The following C6orf132 variants were observed in gnomAD, a reference collection of about 807,000 sequenced individuals.
C6orf132 encodes uncharacterized protein C6orf132.
C6orf132 carries 43 observed loss-of-function variants against 65.3 expected under a neutral mutation model. That is an observed-to-expected ratio of 0.66 (90% CI 0.52 to 0.85). The LOEUF is 0.85. Ranked by LOEUF, C6orf132 falls within the 40% of genes least tolerant of loss-of-function variation. The probability of loss-of-function intolerance (pLI) is 0.00; values close to 1 mark genes in which losing one functional copy is unlikely to be tolerated. For synonymous variants in C6orf132, 631 were observed against 654.1 expected (o/e 0.96, Z 0.54); for missense variants, 1,488 against 1,548.8 (o/e 0.96, Z 0.66).
At chr6:42,130,655 G>A (rs1447295703) in intron 1 of C6orf132, among the ~76,000 whole-genome samples, 1 of 152,060 alleles carries the variant, frequency 6.6e-6, no homozygotes, top group Non-Finnish European at 1.5e-5. Context: ...TCATATTAAT[G>A]GCTACTCTTA....
chr6:42,139,562 A>T (rs1767002078), intron 1 of C6orf132, among the ~76,000 whole-genome samples: 1 of 152,264 alleles, frequency 6.6e-6, no homozygotes, highest in Non-Finnish European at 1.5e-5. Context: ...TCCTCAAAGC[A>T]GGCCATGGGC....
At position 42,106,890 on chromosome 6, in the gene C6orf132, G is replaced by A. The variant is rs1766419115; in HGVS notation, c.1022C>T (p.Pro341Leu). Residue 341 changes from proline to leucine, a missense_variant, in exon 4 of 5, where the codon CCT becomes CTT. Pro to Leu is a moderately conservative substitution (Grantham distance 98). Transcript: ENST00000341865. ...TKKAPSRLPL[P>L]PSFHIRPASQ... is the part of the protein sequence containing the mutation. The stretch of plus-strand genomic sequence containing the variant: ...GGCGGGGCGGATGTGGAAGCTGGGA[G>A]GCAGTGGGAGTCGGCTGGGAGCCTT... 1.3e-6 allele frequency: 2 copies of A among 1,535,722 alleles called. No individual in the cohort carries two copies. Among genetic ancestry groups the A allele is most frequent in the South Asian group, 2.4e-5 (2 of 84,014 alleles).
At position 42,105,575 on chromosome 6, in the gene C6orf132, G is replaced by A. The variant is rs1194060558; in HGVS notation, c.2337C>T (p.Ser779=). Residue 779 remains serine, a synonymous_variant, in exon 4 of 5, where the codon AGC becomes AGT. Coordinates refer to ENST00000341865, the MANE Select transcript of C6orf132 (RefSeq NM_001164446.3). ...TGGGCATCACCACAGCAACCTCACGGCTGAGGCTGCTCTGGTGGCAGTGGG... is the reference window on the plus strand; with the variant it reads ...TGGGCATCACCACAGCAACCTCACGACTGAGGCTGCTCTGGTGGCAGTGGG... ...YKPHCHQSSL[S]REVAVVMPTL... is the part of the protein sequence containing the mutation. The A allele has an allele frequency of 6.5e-7, 1 of 1,536,748 alleles. No homozygotes were observed. Among genetic ancestry groups the A allele is most frequent in the Non-Finnish European group, 8.7e-7 (1 of 1,146,866 alleles).
chr6:42,105,278 G>C lies in C6orf132; in HGVS notation c.2634C>G (p.Ser878Arg). ...CCTGGCTGTGGAAGATGCTGTCAGA[G>C]CTGGCCTCGGCTTGGTGGCTGTGGT... ...LRDHSHQAEA[S>R]SDSIFHSQGT... Residue 878 changes from serine (S) to arginine (R), a missense_variant, in exon 4 of 5, where the codon AGC becomes AGG. Transcript: ENST00000341865. 3.3e-6 allele frequency: 5 copies of C among 1,537,212 alleles called. No individual in the cohort carries two copies. Among genetic ancestry groups the C allele is most frequent in the Non-Finnish European group, 4.4e-6 (5 of 1,146,896 alleles).
Position 42,104,500 on chromosome 6 carries a change from C to T in C6orf132, c.3412G>A (p.Gly1138Ser), listed in dbSNP as rs1419727669. 2.4e-6 allele frequency: 3 copies of T among 1,232,652 alleles called. No individual in the cohort carries two copies. Among genetic ancestry groups the T allele is most frequent in the Middle Eastern group, 3.1e-4 (1 of 3,212 alleles). 76.4% of individuals were successfully genotyped at this position (1,232,652 alleles called of 1,614,324 possible). A position where few individuals can be genotyped will look rare whatever the true frequency, so the allele number is the denominator to read the frequency against. Residue 1138 changes from glycine (G) to serine (S), a missense_variant, in exon 4 of 5, where the codon GGC becomes AGC. Transcript: ENST00000341865. This position sits in a 1 kb window ranked among gnomAD's most constrained non-coding sequence, Gnocchi z 4.1. ...GAAEAKHKAP[G>S]SADYGFAPAA... ...GGGGCGAAGCCGTAGTCGGCGCTGC[C>T]GGGCGCTTTGTGCTTGGCCTCCGCG...
intron 1 of C6orf132, among the ~76,000 whole-genome samples, chr6:42,142,071 C>T (rs1041376964): frequency 1.3e-5 from 2 of 152,064 alleles, no homozygotes; most frequent in Non-Finnish European, 2.9e-5. Flanking sequence ...GTTCTCCCAC[C>T]TCCCCGTGGT....
chr6:42,107,429 C>A lies in C6orf132; in HGVS notation c.483G>T (p.Ser161=), dbSNP rs555498500. The A allele has an allele frequency of 5.3e-6, 8 of 1,508,952 alleles. No homozygotes were observed. The highest frequency in any genetic ancestry group is 3.7e-5 in the South Asian group (3 of 80,212). The allele number at this position is 1,508,952 out of a possible 1,614,324, so 93.5% of individuals were successfully genotyped here. A position where few individuals can be genotyped will look rare whatever the true frequency, so the allele number is the denominator to read the frequency against. Reference sequence around the variant, plus strand: ...CTGTGGAAGGTGGAGATGGCAGTGGCGACCCCCCTGGAGGTTCTGAAATGT... The same window carrying A: ...CTGTGGAAGGTGGAGATGGCAGTGGAGACCCCCCTGGAGGTTCTGAAATGT... ...PQDISEPPGG[S]PLPSPPSTAP... The change falls in exon 4 of 5, where the codon TCG becomes TCT. Residue 161 remains serine, a synonymous_variant. Transcript: ENST00000341865.
chr6:42,105,694 C>T lies in C6orf132; in HGVS notation c.2218G>A (p.Ala740Thr), dbSNP rs1289746369. The change falls in exon 4 of 5, where the codon GCC becomes ACC. Residue 740 changes from alanine to threonine, a missense_variant. By Grantham distance (58) the Ala-to-Thr change is moderately conservative. Transcript: ENST00000341865. ...GCTCCCTGTGTGGGCAGCCTAGTGG[C>T]CTCTGAGGGGGACCCCTCTCCCCTT... ...QARGEGSPSEATRLPTQGARS... is the reference protein window; with the variant it reads ...QARGEGSPSETTRLPTQGARS... 1 of 1,537,164 alleles carries T rather than the reference C, an allele frequency of 6.5e-7. No individual in the cohort carries two copies. Among genetic ancestry groups the T allele is most frequent in the Non-Finnish European group, 8.7e-7 (1 of 1,146,914 alleles).
rs536844087 is a variant in C6orf132 at position 42,104,536 on chromosome 6, C to T, written c.3376G>A (p.Ala1126Thr). 6.9e-4 allele frequency: 858 copies of T among 1,234,596 alleles called. 1 individual carries two copies. Among genetic ancestry groups the T allele is most frequent in the Admixed American group, 3.1e-3 (72 of 23,592 alleles). The allele number at this position is 1,234,596 out of a possible 1,614,324, so 76.5% of individuals were successfully genotyped here. A position where few individuals can be genotyped will look rare whatever the true frequency, so the allele number is the denominator to read the frequency against. The change falls in exon 4 of 5, where the codon GCC becomes ACC. Residue 1126 changes from alanine (A) to threonine (T), a missense_variant. By Grantham distance (58) the Ala-to-Thr change is moderately conservative (BLOSUM62 0). Coordinates refer to ENST00000341865, the MANE Select transcript of C6orf132 (RefSeq NM_001164446.3). The surrounding 1 kb of genome is among the most constrained non-coding windows in gnomAD (Gnocchi z 4.1). ...TGCTTGGCCTCCGCGGCGCCCCGGG[C>T]GGCGCCCTCCAGGGACAGCCTCGGC... Reference protein sequence around the residue: ...HAPRLSLEGAARGAAEAKHKA... With the variant: ...HAPRLSLEGATRGAAEAKHKA...
At chr6:42,123,046 A>T (rs1229767948) in intron 2 of C6orf132, among the ~76,000 whole-genome samples, 3 of 152,158 alleles carry the variant, frequency 2.0e-5, no homozygotes, top group African/African-American at 7.2e-5. Context: ...CAGAAAACAC[A>T]ACCTTGCTGC....
intron 3 of C6orf132, among the ~76,000 whole-genome samples, chr6:42,107,933 G>A (rs779296701): frequency 2.0e-5 from 3 of 152,146 alleles, no homozygotes; most frequent in Non-Finnish European, 2.9e-5. Context: ...TGATTCCTCT[G>A]GCTGCCTCCT....
chr6:42,107,766 C>G (rs1582269978), intron 3 of C6orf132, among the ~76,000 whole-genome samples, 183 bp from the exon 4 acceptor site: 1 of 152,242 alleles, frequency 6.6e-6, no homozygotes, highest in Middle Eastern at 3.4e-3. Flanking sequence ...GGGGTGTCCC[C>G]CCTTCTTTCT....
At chr6:42,136,453 G>C (rs540843666) in intron 1 of C6orf132, among the ~76,000 whole-genome samples, 1 of 152,172 alleles carries the variant, frequency 6.6e-6, no homozygotes, top group Admixed American at 6.6e-5. Flanking sequence ...AGGAGGATTC[G>C]GGCCTTAGCT....
At chr6:42,122,377 C>A (rs1025453531) in intron 2 of C6orf132, among the ~76,000 whole-genome samples, 1 of 152,208 alleles carries the variant, frequency 6.6e-6, no homozygotes, top group Non-Finnish European at 1.5e-5. Context: ...TCTTCTCTGG[C>A]CAGTCTTCCT....
chr6:42,110,359 T>A, intron 2 of C6orf132, 68 bp from the exon 3 acceptor site: 1 of 1,282,356 alleles, frequency 7.8e-7, no homozygotes, highest in Non-Finnish European at 1.1e-6. Context: ...ACTGCTGCTC[T>A]TTGAGGCCAT....
At chr6:42,132,416 G>A (rs1265568734) in intron 1 of C6orf132, among the ~76,000 whole-genome samples, 1 of 152,082 alleles carries the variant, frequency 6.6e-6, no homozygotes, top group East Asian at 1.9e-4. Flanking sequence ...TCAGGAGGCT[G>A]AGGCAGGAGA....
chr6:42,134,731 GCCATTGCA>G (rs1341026215), intron 1 of C6orf132, among the ~76,000 whole-genome samples: 2 of 140,710 alleles, frequency 1.4e-5, no homozygotes, highest in African/African-American at 5.4e-5. Context: ...CCGAGATTGA[GCCATTGCA>G]CTCCAGCCTG....
intron 1 of C6orf132, 132 bp downstream of exon 1, chr6:42,142,168 G>C: frequency 2.9e-6 from 3 of 1,019,012 alleles, no homozygotes; most frequent in Non-Finnish European, 1.4e-6. Context: ...TCCCCTGCCC[G>C]GCGGCTGCTC....
intron 2 of C6orf132, among the ~76,000 whole-genome samples, chr6:42,122,310 G>A (rs1766701418): frequency 6.6e-6 from 1 of 152,300 alleles, no homozygotes; most frequent in South Asian, 2.1e-4. Context: ...GCCCTCAGAG[G>A]GCGCACCACG....
Sources: allele counts gnomAD v4.1 joint callset (sites outside exome capture counted in the v4.1 genomes callset), GRCh38; gene constraint gnomAD v4.1.1; non-coding constraint Gnocchi (gnomAD v3.1); transcripts MANE v1.5; gene names NCBI Gene and HGNC (gene_info 2026-07-23, HGNC 2026-07-21).